Variants in PPP1R12B observed in about 807,000 individuals in gnomAD.
PPP1R12B encodes protein phosphatase 1 regulatory subunit 12B.
In PPP1R12B, 76 loss-of-function variants were observed where a neutral mutation model predicts 126.1. The ratio of observed to expected loss-of-function variants is 0.60; its 90% confidence interval spans 0.50 to 0.73. The LOEUF (loss-of-function observed/expected upper bound fraction) is 0.73. PPP1R12B is among the 30% of genes least tolerant of loss of function. The pLI, the probability that PPP1R12B is intolerant of heterozygous loss-of-function variation, is 0.00. For missense variants in PPP1R12B, 1,052 were observed against 1,205.1 expected (o/e 0.87, Z 1.88); for synonymous variants, 356 against 434.7 (o/e 0.82, Z 2.25).
chr1:202,471,493 A>G (rs903252334), intron 13 of PPP1R12B, among the ~76,000 whole-genome samples: 1 of 151,516 alleles, frequency 6.6e-6, no homozygotes, highest in African/African-American at 2.4e-5. Flanking sequence ...TTCACTGGAC[A>G]CTGCCTGATT....
At chr1:202,356,741 A>T (rs912003037) in intron 1 of PPP1R12B, among the ~76,000 whole-genome samples, 2 of 151,842 alleles carry the variant, frequency 1.3e-5, no homozygotes, top group African/African-American at 4.8e-5. Flanking sequence ...AAGGAAGTGG[A>T]TTCTTCTCTC....
At chr1:202,365,982 C>G (rs1043400512) in intron 1 of PPP1R12B, among the ~76,000 whole-genome samples, 3 of 151,226 alleles carry the variant, frequency 2.0e-5, no homozygotes, top group East Asian at 2.0e-4. Context: ...CGAGCAAGAC[C>G]CTGTCCCTCC....
intron 13 of PPP1R12B, among the ~76,000 whole-genome samples, chr1:202,450,046 G>C (rs1672745290): frequency 6.6e-6 from 1 of 152,158 alleles, no homozygotes; most frequent in South Asian, 2.1e-4. Context: ...CAATTGTTAG[G>C]CATTATTTCA....
chr1:202,562,697 G>A (rs1473112221), intron 19 of PPP1R12B, 81 bp from the exon 20 acceptor site: 6 of 1,452,560 alleles, frequency 4.1e-6, no homozygotes, highest in Middle Eastern at 1.7e-4. Context: ...TAGAAAAGGC[G>A]CAAACTACCC....
At chr1:202,376,064 AG>A (rs1661136655) in intron 1 of PPP1R12B, among the ~76,000 whole-genome samples, 1 of 152,226 alleles carries the variant, frequency 6.6e-6, no homozygotes, top group Non-Finnish European at 1.5e-5. Flanking sequence ...GAGCAGAGGA[AG>A]GGGGTGGTGG....
intron 1 of PPP1R12B, among the ~76,000 whole-genome samples, chr1:202,368,616 T>A (rs1025204118): frequency 2.0e-5 from 3 of 152,132 alleles, no homozygotes; most frequent in Non-Finnish European, 4.4e-5. Flanking sequence ...ACCACTGTTA[T>A]AATTTCTATC....
chr1:202,502,001 C>T, intron 18 of PPP1R12B: 1 of 985,458 alleles, frequency 1.0e-6, no homozygotes, highest in Non-Finnish European at 1.2e-6. Context: ...CTGTCCTTGA[C>T]ATAGGTGGGT....
intron 14 of PPP1R12B, 68 bp from the exon 15 acceptor site, chr1:202,493,046 T>C (rs1466355634): frequency 6.6e-7 from 1 of 1,515,070 alleles, no homozygotes; most frequent in East Asian, 2.3e-5. Flanking sequence ...TTTGGGAATA[T>C]TCCTGATCAA....
rs1196499777 is a variant in PPP1R12B, at chr1:202,548,776, G to GTCTCTC, written c.2491-10073_2491-10068dup. On this transcript the variant is annotated intron_variant, in intron 18 of 23. Transcript: ENST00000608999. ...TCATGCGCTCGCTCACTCGCTCGCT[G>GTCTCTC]TCTCTCTCTCTCTCTCTCTCTCTCT... Among the ~76,000 whole-genome samples the GTCTCTC allele has an allele frequency of 6.4e-3, 627 of 98,522 alleles. 5 individuals are homozygous for GTCTCTC. The highest frequency in any genetic ancestry group is 0.011 in the African/African-American group (257 of 23,250). 64.6% of individuals were successfully genotyped at this position (98,522 alleles called of 152,430 possible).
At chr1:202,438,393 G>T in intron 10 of PPP1R12B, 1 of 643,274 alleles carries the variant, frequency 1.6e-6, no homozygotes. Context: ...TCCCCCCAGC[G>T]GCATGGCTTC....
chr1:202,499,970 A>T (rs1290299378), intron 18 of PPP1R12B, among the ~76,000 whole-genome samples: 4 of 152,382 alleles, frequency 2.6e-5, no homozygotes, highest in Admixed American at 2.6e-4. Context: ...ACAAAAAATA[A>T]CAAAACCTGG....
intron 18 of PPP1R12B, among the ~76,000 whole-genome samples, chr1:202,525,701 G>GT (rs1164969567): frequency 6.7e-6 from 1 of 150,120 alleles, no homozygotes; most frequent in Non-Finnish European, 1.5e-5. Context: ...AGAAAAGGAT[G>GT]TTTTTTGTTT....
chr1:202,537,353 CAA>C (rs570737869), intron 18 of PPP1R12B, among the ~76,000 whole-genome samples: 18 of 99,912 alleles, frequency 1.8e-4, no homozygotes, highest in Admixed American at 3.3e-4. Context: ...GACTCCGTCT[CAA>C]AAAAAAAAAA....
At chr1:202,438,422 G>A in intron 10 of PPP1R12B, 1 of 485,722 alleles carries the variant, frequency 2.1e-6, no homozygotes, top group East Asian at 5.0e-5. Context: ...AACCCTCTAA[G>A]CCCTCTGCCC....
intron 18 of PPP1R12B, among the ~76,000 whole-genome samples, chr1:202,526,067 A>C (rs2148926714): frequency 6.6e-6 from 1 of 152,332 alleles, no homozygotes; most frequent in Admixed American, 6.5e-5. Flanking sequence ...ACAACAACAA[A>C]AAGATGATGT....
chr1:202,439,052 G>T (rs1401328273), intron 10 of PPP1R12B: 3 of 1,385,042 alleles, frequency 2.2e-6, no homozygotes, highest in Admixed American at 1.7e-5. Context: ...CATCCTGGCC[G>T]CCAACTCCTA....
chr1:202,387,231 T>C (rs1433537904), intron 1 of PPP1R12B, among the ~76,000 whole-genome samples: 2 of 152,218 alleles, frequency 1.3e-5, no homozygotes, highest in Admixed American at 6.5e-5. Context: ...TGGCATACTC[T>C]GTCAACAACG....
At chr1:202,423,328 G>A (rs1669064366) in intron 3 of PPP1R12B, among the ~76,000 whole-genome samples, 2 of 152,092 alleles carry the variant, frequency 1.3e-5, no homozygotes, top group South Asian at 4.1e-4. Flanking sequence ...AAACTCTGCG[G>A]ACAAGATTTG....
At chr1:202,532,402 G>A (rs1233557099) in intron 18 of PPP1R12B, among the ~76,000 whole-genome samples, 1 of 152,158 alleles carries the variant, frequency 6.6e-6, no homozygotes, top group Non-Finnish European at 1.5e-5. Flanking sequence ...TGGGAATGCA[G>A]CCCAGTAGGT....
Sources: allele counts gnomAD v4.1 joint callset (sites outside exome capture counted in the v4.1 genomes callset), GRCh38; gene constraint gnomAD v4.1.1; transcripts MANE v1.5; gene names NCBI Gene and HGNC (gene_info 2026-07-23, HGNC 2026-07-21).